The following PTTG1IP2 variants were observed in gnomAD, a reference collection of about 807,000 sequenced individuals.
PTTG1IP2 encodes PTTG1IP family member 2.
intron 1 of PTTG1IP2, among the ~76,000 whole-genome samples, chr7:90,473,432 A>G (rs943983786): frequency 6.6e-6 from 1 of 152,228 alleles, no homozygotes; most frequent in Non-Finnish European, 1.5e-5. Flanking sequence ...CCCTAGTGCC[A>G]GGGCAACACA....
At position 90,482,750 on chromosome 7, in the gene PTTG1IP2, T is replaced by C. The variant is rs977275570; in HGVS notation, c.192+3476T>C. Among the ~76,000 whole-genome samples, 3 of 147,424 alleles carry C rather than the reference T, an allele frequency of 2.0e-5. No individual in the cohort carries two copies. The East Asian group carries it at 6.1e-4, about 30-fold the overall frequency. On this transcript the variant is annotated intron_variant, in intron 2 of 6. Coordinates refer to ENST00000509356, the MANE Select transcript of PTTG1IP2 (RefSeq NM_001365443.2). ...AGTACATTTTTTTGCTTTTTGCTAA[T>C]GAGCATCATAAGACTGTTGCAACTG...
At chr7:90,491,024 T>C (rs1797931848) in intron 4 of PTTG1IP2, among the ~76,000 whole-genome samples, 2 of 152,224 alleles carry the variant, frequency 1.3e-5, no homozygotes, top group South Asian at 4.1e-4. Context: ...GGACTTACTG[T>C]ACTTCATAAA....
chr7:90,483,210 C>T (rs1797833275), intron 2 of PTTG1IP2, among the ~76,000 whole-genome samples: 1 of 152,108 alleles, frequency 6.6e-6, no homozygotes, highest in South Asian at 2.1e-4. Context: ...GCAACTATTC[C>T]CAGCACTTTA....
At position 90,497,322 on chromosome 7, in the gene PTTG1IP2, T is replaced by A. The variant is rs539891099; in HGVS notation, c.*50+2892T>A. 3.3e-5 allele frequency among the ~76,000 whole-genome samples: 5 copies of A among 152,074 alleles called. No individual in the cohort carries two copies. The South Asian group carries it at 1.0e-3, about 32-fold the overall frequency. Reference sequence around the variant, plus strand: ...GCTCATGCCTGTAATCCCAACACTTTGGGAAGCCGAGGCAGGCGGATCACG... The same window carrying A: ...GCTCATGCCTGTAATCCCAACACTTAGGGAAGCCGAGGCAGGCGGATCACG... On this transcript the variant is annotated intron_variant, in intron 6 of 6. Transcript: ENST00000509356.
intron 1 of PTTG1IP2, among the ~76,000 whole-genome samples, chr7:90,472,890 A>C (rs780128693): frequency 6.6e-6 from 1 of 152,326 alleles, no homozygotes; most frequent in East Asian, 1.9e-4. Flanking sequence ...TACAGCATTG[A>C]CACTAAGGTT....
chr7:90,502,143 C>T (rs1234727521), intron 6 of PTTG1IP2, among the ~76,000 whole-genome samples: 1 of 152,188 alleles, frequency 6.6e-6, no homozygotes, highest in African/African-American at 2.4e-5. Flanking sequence ...CATCTTCAGG[C>T]TCCACTTCAA....
At chr7:90,491,657 C>T (rs1797939925) in intron 4 of PTTG1IP2, among the ~76,000 whole-genome samples, 1 of 151,692 alleles carries the variant, frequency 6.6e-6, no homozygotes, top group Admixed American at 6.6e-5. Context: ...AAACCCTTGC[C>T]TTCATGGAGC....
chr7:90,502,952 A>C (rs937401341), intron 6 of PTTG1IP2, among the ~76,000 whole-genome samples: 1 of 152,188 alleles, frequency 6.6e-6, no homozygotes, highest in African/African-American at 2.4e-5. Flanking sequence ...CCAGGCATTG[A>C]CTTTTTCCTT....
intron 1 of PTTG1IP2, among the ~76,000 whole-genome samples, chr7:90,475,084 A>G (rs1438171109): frequency 6.6e-6 from 1 of 152,168 alleles, no homozygotes; most frequent in Non-Finnish European, 1.5e-5. Flanking sequence ...TCCTGCCCCC[A>G]AGTCCCATGG....
At chr7:90,511,835 T>C (rs1354789694) in intron 6 of PTTG1IP2, among the ~76,000 whole-genome samples, 1 of 152,174 alleles carries the variant, frequency 6.6e-6, no homozygotes, top group African/African-American at 2.4e-5. Context: ...ATCTGTAAAA[T>C]AGGGATTAAA....
chr7:90,511,653 G>A (rs894273932), intron 6 of PTTG1IP2, among the ~76,000 whole-genome samples: 5 of 152,004 alleles, frequency 3.3e-5, no homozygotes, highest in African/African-American at 1.2e-4. Context: ...TTAAGCAGAT[G>A]TTGTCTCTTT....
At chr7:90,489,685 C>T (rs1214351550) in intron 4 of PTTG1IP2, among the ~76,000 whole-genome samples, 1 of 151,598 alleles carries the variant, frequency 6.6e-6, no homozygotes, top group East Asian at 1.9e-4. Flanking sequence ...TTGTTAACTA[C>T]TAAAAAGGAT....
chr7:90,488,248 G>T (rs754801335), intron 3 of PTTG1IP2, among the ~76,000 whole-genome samples: 1 of 151,788 alleles, frequency 6.6e-6, no homozygotes, highest in Non-Finnish European at 1.5e-5. Context: ...TTTCTTTCCG[G>T]TACTATCAGA....
At chr7:90,508,758 A>G (rs1164099893) in intron 6 of PTTG1IP2, among the ~76,000 whole-genome samples, 1 of 152,196 alleles carries the variant, frequency 6.6e-6, no homozygotes, top group African/African-American at 2.4e-5. Flanking sequence ...AAGCCTTTAT[A>G]TTGCCTTTAT....
chr7:90,474,854 A>T (rs1234379605), intron 1 of PTTG1IP2, among the ~76,000 whole-genome samples: 1 of 152,220 alleles, frequency 6.6e-6, no homozygotes, highest in Non-Finnish European at 1.5e-5. Context: ...AAACACATTT[A>T]AGAGAGGGGA....
intron 1 of PTTG1IP2, among the ~76,000 whole-genome samples, chr7:90,470,963 C>CAAAAAAAAAAAAAAAAA (rs5885726): frequency 9.3e-6 from 1 of 108,108 alleles, no homozygotes; most frequent in Non-Finnish European, 2.0e-5. Context: ...TGATGAAGAA[C>CAAAAAAAAAAAAAAAAA]AAAAAAAAAA....
chr7:90,475,061 G>A (rs775684315), intron 1 of PTTG1IP2, among the ~76,000 whole-genome samples: 4 of 152,132 alleles, frequency 2.6e-5, no homozygotes, highest in Non-Finnish European at 5.9e-5. Flanking sequence ...CGTCAGTATG[G>A]CAGCACCAAA....
chr7:90,486,256 C>G (rs1007952681), intron 2 of PTTG1IP2, among the ~76,000 whole-genome samples: 1 of 152,028 alleles, frequency 6.6e-6, no homozygotes, highest in Non-Finnish European at 1.5e-5. Context: ...CCCAGGCTCC[C>G]CTATTTACTA....
intron 1 of PTTG1IP2, among the ~76,000 whole-genome samples, chr7:90,475,819 C>T (rs764336321): frequency 4.0e-5 from 6 of 151,570 alleles, no homozygotes; most frequent in Non-Finnish European, 5.9e-5. Context: ...ATTAGCCAGG[C>T]GTGGTGGTGC....
Sources: allele counts gnomAD v4.1 joint callset (sites outside exome capture counted in the v4.1 genomes callset), GRCh38; gene constraint gnomAD v4.1.1; transcripts MANE v1.5; gene names NCBI Gene and HGNC (gene_info 2026-07-23, HGNC 2026-07-21).